CCDC7: variants seen among roughly 807,000 people sequenced by gnomAD.
The protein encoded by CCDC7 is coiled-coil domain-containing protein 7.
In CCDC7, 183 loss-of-function variants were observed where a neutral mutation model predicts 196.9. The observed-to-expected ratio is 0.93, with a 90% CI of 0.82 to 1.05. The LOEUF (loss-of-function observed/expected upper bound fraction) is 1.05, where lower values mean the gene tolerates loss of function less well. Among genes scored for constraint, CCDC7 ranks in the 50% least tolerant of loss-of-function variants. The pLI, the probability that CCDC7 is intolerant of heterozygous loss-of-function variation, is 0.00. For missense variants in CCDC7, 1,540 were observed against 1,482.2 expected, an observed-to-expected ratio of 1.04 and a Z score of -0.64; for synonymous variants, 525 against 484.6, an observed-to-expected ratio of 1.08 and a Z score of -1.10.
chr10:32,740,084 C>T (rs1355472972), intron 28 of CCDC7, among the ~76,000 whole-genome samples: 1 of 152,078 alleles, frequency 6.6e-6, no homozygotes, highest in Non-Finnish European at 1.5e-5. Context: ...GTTTTTCTCC[C>T]CAACATCCCA....
intron 20 of CCDC7, among the ~76,000 whole-genome samples, chr10:32,639,728 C>T (rs543215506): frequency 1.1e-4 from 16 of 151,566 alleles, no homozygotes; most frequent in African/African-American, 2.7e-4. Flanking sequence ...CCTGGCTTCA[C>T]GCCATTCTCC....
intron 18 of CCDC7, among the ~76,000 whole-genome samples, chr10:32,629,764 C>G (rs1222192729): frequency 6.6e-6 from 1 of 152,080 alleles, no homozygotes; most frequent in Non-Finnish European, 1.5e-5. Flanking sequence ...GAGTAGAAAT[C>G]CAGAGAAGGC....
upstream of CCDC7, chr10:32,451,592 G>A (rs186178595): frequency 1.3e-6 from 2 of 1,521,864 alleles, no homozygotes; most frequent in African/African-American, 2.8e-5. Context: ...TTTTTCACAG[G>A]GAGGAATAAG....
At chr10:32,643,329 T>C (rs907582545) in intron 20 of CCDC7, among the ~76,000 whole-genome samples, 18 of 152,194 alleles carry the variant, frequency 1.2e-4, no homozygotes, top group Non-Finnish European at 8.8e-5. Context: ...ATGGTGATTT[T>C]TGTTAGTGTA....
rs189329570 is a variant in CCDC7, at chr10:32,763,247, A to G, written c.2906-15730A>G. Among the ~76,000 whole-genome samples the G allele has an allele frequency of 2.2e-3, 339 of 152,112 alleles. 15 individuals carry two copies. In the South Asian group the frequency reaches 0.068, roughly 31 times the overall value. On this transcript the variant is annotated intron_variant, in intron 28 of 41. Coordinates refer to ENST00000639629, the Ensembl canonical transcript of CCDC7. ...TTGAAATGAAACATACAAATGGTCA[A>G]CAGGCATATGAAAAGATGCTCAACA...
chr10:32,613,543 GGCATTTAGT>G (rs2138852687), intron 18 of CCDC7, among the ~76,000 whole-genome samples: 1 of 152,140 alleles, frequency 6.6e-6, no homozygotes, highest in South Asian at 2.1e-4. Context: ...TTCTCATGTG[GGCATTTAGT>G]GCTATAAATT....
chr10:32,675,309 T>C (rs1591459950), intron 21 of CCDC7, among the ~76,000 whole-genome samples: 2 of 69,054 alleles, frequency 2.9e-5, no homozygotes, highest in African/African-American at 8.8e-5. Context: ...AAGTTAAAAT[T>C]ACAGTTACGA....
At chr10:32,578,946 A>AG (rs1314586943) in intron 16 of CCDC7, among the ~76,000 whole-genome samples, 1 of 152,226 alleles carries the variant, frequency 6.6e-6, no homozygotes, top group African/African-American at 2.4e-5. Context: ...TGTTGATCAC[A>AG]GTCATCAGTG....
At chr10:32,778,670 T>A (rs1233594612) in intron 28 of CCDC7, among the ~76,000 whole-genome samples, 1 of 152,220 alleles carries the variant, frequency 6.6e-6, no homozygotes, top group African/African-American at 2.4e-5. Flanking sequence ...AGGCTTCTTT[T>A]TGGATTAATA....
intron 13 of CCDC7, chr10:32,544,550 A>G (rs767445191): frequency 5.6e-5 from 15 of 265,956 alleles, no homozygotes; most frequent in Middle Eastern, 1.1e-3. Context: ...TATGAAAATT[A>G]CCATGGTTTA....
chr10:32,517,140 A>G (rs1014677502), intron 9 of CCDC7, among the ~76,000 whole-genome samples: 1 of 152,204 alleles, frequency 6.6e-6, no homozygotes, highest in Non-Finnish European at 1.5e-5. Flanking sequence ...AGCCATACGC[A>G]TTGAAGAATA....
At chr10:32,784,431 T>C (rs1204873794) in intron 29 of CCDC7, among the ~76,000 whole-genome samples, 1 of 152,096 alleles carries the variant, frequency 6.6e-6, no homozygotes, top group Non-Finnish European at 1.5e-5. Context: ...CCTGTGTCCA[T>C]GTGTTCTCAT....
upstream of CCDC7, chr10:32,451,578 A>AC (rs1327368174): frequency 6.6e-7 from 1 of 1,513,100 alleles, no homozygotes. Context: ...TGAATCTCTT[A>AC]TTTTTTTTCA....
intron 9 of CCDC7, among the ~76,000 whole-genome samples, chr10:32,502,763 C>T (rs1022893758): frequency 3.3e-5 from 5 of 152,130 alleles, no homozygotes; most frequent in Non-Finnish European, 5.9e-5. Flanking sequence ...AACATTTTAA[C>T]GATATTGTTT....
At chr10:32,805,932 C>T (rs534419997) in intron 30 of CCDC7, among the ~76,000 whole-genome samples, 9 of 152,212 alleles carry the variant, frequency 5.9e-5, no homozygotes, top group South Asian at 4.1e-4. Context: ...CTTTTACTCA[C>T]GGCAGAAAGT....
At chr10:32,477,670 G>C (rs987644856) in intron 8 of CCDC7, among the ~76,000 whole-genome samples, 2 of 151,498 alleles carry the variant, frequency 1.3e-5, no homozygotes, top group East Asian at 3.9e-4. Flanking sequence ...GTATATTTGT[G>C]AGTCTGTTTT....
intron 18 of CCDC7, among the ~76,000 whole-genome samples, chr10:32,622,790 T>A (rs1219705391): frequency 6.6e-6 from 1 of 152,050 alleles, no homozygotes; most frequent in East Asian, 1.9e-4. Flanking sequence ...ACTACTGTGT[T>A]AAATAAATGG....
At chr10:32,633,202 C>T (rs868735710) in intron 18 of CCDC7, among the ~76,000 whole-genome samples, 6 of 67,942 alleles carry the variant, frequency 8.8e-5, no homozygotes, top group East Asian at 3.9e-4. Flanking sequence ...CCTCAGTTTG[C>T]GCGCGTGCAC....
chr10:32,652,200 A>G (rs1277910760), intron 20 of CCDC7, among the ~76,000 whole-genome samples: 2 of 152,176 alleles, frequency 1.3e-5, no homozygotes, highest in East Asian at 1.9e-4. Flanking sequence ...TTTTTAACTT[A>G]AAGTGTATTT....
Sources: gnomAD v4.1 joint callset for allele counts (sites outside exome capture counted in the v4.1 genomes callset) on GRCh38, gnomAD v4.1.1 for gene constraint, MANE v1.5 for transcripts, NCBI Gene and HGNC (gene_info 2026-07-23, HGNC 2026-07-21) for gene names.